TFEC: variants seen among roughly 807,000 people sequenced by gnomAD.
TFEC encodes the protein class E basic helix-loop-helix protein 34.
Under a neutral mutation model 41.6 loss-of-function variants are expected in TFEC, and 31 were observed. The observed-to-expected ratio is 0.74, with a 90% CI of 0.56 to 1.01. The LOEUF (loss-of-function observed/expected upper bound fraction) is 1.01, where lower values mean the gene tolerates loss of function less well. TFEC is among the 50% of genes least tolerant of loss of function. The pLI is 0.00. For missense variants in TFEC, 402 were observed against 404.1 expected (o/e 0.99, Z 0.04); for synonymous variants, 143 against 140.6 (o/e 1.02, Z -0.12).
intron 1 of TFEC, among the ~76,000 whole-genome samples, chr7:116,012,471 G>A (rs1286653479): frequency 6.6e-6 from 1 of 151,992 alleles, no homozygotes; most frequent in Non-Finnish European, 1.5e-5. Flanking sequence ...GAGAATAAAG[G>A]AGAAACAAGA....
chr7:116,024,857 A>G (rs1197218404), intron 1 of TFEC, among the ~76,000 whole-genome samples: 4 of 148,090 alleles, frequency 2.7e-5, no homozygotes, highest in African/African-American at 5.1e-5. Context: ...TATTTTATAC[A>G]TTTTTTCCAT....
rs369348912 is a variant in TFEC at position 116,043,049 on chromosome 7, T to G, written c.199-58536A>C. 3.9e-5 allele frequency among the ~76,000 whole-genome samples: 6 copies of G among 152,228 alleles called. 1 individual carries two copies. Among genetic ancestry groups the G allele is most frequent in the African/African-American group, 1.2e-4 (5 of 41,558 alleles). On this transcript the variant is annotated intron_variant, in intron 3 of 8. Coordinates refer to the TFEC transcript ENST00000484212. ...CTTCTCATGTTTATGCAAAACAGGT[T>G]TTTTGGGAGTAGAAAGAGAGGTACT... is the stretch of plus-strand genomic sequence containing the variant.
At chr7:115,954,067 T>C (rs760067382) in intron 5 of TFEC, among the ~76,000 whole-genome samples, 30 of 152,024 alleles carry the variant, frequency 2.0e-4, no homozygotes, top group Admixed American at 3.9e-4. Context: ...CTCCATCTCA[T>C]ATGACCTGTT....
intron 1 of TFEC, among the ~76,000 whole-genome samples, chr7:116,144,447 C>T (rs1215197848): frequency 1.3e-5 from 2 of 152,068 alleles, no homozygotes; most frequent in African/African-American, 4.8e-5. Context: ...GCTACAATGC[C>T]CAGTTTGTTT....
intron 1 of TFEC, among the ~76,000 whole-genome samples, chr7:116,143,641 T>C (rs773386508): frequency 1.8e-4 from 27 of 152,306 alleles, no homozygotes; most frequent in Non-Finnish European, 2.6e-4. Flanking sequence ...GCTGTGTATA[T>C]GATTGATGCT....
intron 1 of TFEC, among the ~76,000 whole-genome samples, chr7:116,144,795 C>T (rs1277064561): frequency 2.0e-5 from 3 of 152,174 alleles, no homozygotes; most frequent in African/African-American, 7.2e-5. Flanking sequence ...AAGATTGCAG[C>T]ATAGAATTCC....
chr7:116,008,291 G>A (rs763119530), intron 1 of TFEC, among the ~76,000 whole-genome samples: 1 of 152,020 alleles, frequency 6.6e-6, no homozygotes, highest in Non-Finnish European at 1.5e-5. Context: ...AATATTTACA[G>A]GCAGAATTAG....
chr7:115,937,525 A>AT lies in TFEC; in HGVS notation c.*3025dup, dbSNP rs1793288234. On this transcript the variant is annotated 3_prime_UTR_variant, in exon 8 of 8. Transcript: ENST00000265440. ...TTCAAAATGTTATGGTCAGATGTTTATAACACTCAGTAATTATAGTGAAAC... is the reference window on the plus strand; with the variant it reads ...TTCAAAATGTTATGGTCAGATGTTTATTAACACTCAGTAATTATAGTGAAAC... 6.6e-6 allele frequency: 1 copy of AT among 151,802 alleles called. No individual in the cohort carries two copies. The highest frequency in any genetic ancestry group is 6.6e-5 in the Admixed American group (1 of 15,202). 9.4% of individuals were successfully genotyped at this position (151,802 alleles called of 1,614,324 possible).
At chr7:116,006,428 T>C (rs551071611) in intron 1 of TFEC, among the ~76,000 whole-genome samples, 1 of 152,330 alleles carries the variant, frequency 6.6e-6, no homozygotes, top group East Asian at 1.9e-4. Context: ...GAGATCATTT[T>C]GGAAATTTAA....
intron 1 of TFEC, among the ~76,000 whole-genome samples, chr7:116,145,306 C>A (rs143883721): frequency 6.6e-6 from 1 of 152,036 alleles, no homozygotes. Context: ...CAAATCTCAC[C>A]CCCACCCCTG....
chr7:116,063,639 G>C (rs1333620378), intron 3 of TFEC, among the ~76,000 whole-genome samples: 1 of 151,906 alleles, frequency 6.6e-6, no homozygotes, highest in African/African-American at 2.4e-5. Context: ...AGAACACCCT[G>C]GGGTGATGAT....
intron 6 of TFEC, among the ~76,000 whole-genome samples, chr7:115,943,453 T>C (rs1031577720): frequency 6.6e-6 from 1 of 151,986 alleles, no homozygotes; most frequent in South Asian, 2.1e-4. Context: ...CTAGCCATAT[T>C]TGAAGTTTAA....
upstream of TFEC, among the ~76,000 whole-genome samples, chr7:116,034,471 C>T (rs1025783263): frequency 6.6e-6 from 1 of 151,646 alleles, no homozygotes; most frequent in Non-Finnish European, 1.5e-5. Context: ...CCCTCCAGCT[C>T]ACTCCTCTCT....
chr7:116,070,098 T>C (rs1388224709), intron 3 of TFEC, among the ~76,000 whole-genome samples: 1 of 151,378 alleles, frequency 6.6e-6, no homozygotes, highest in Non-Finnish European at 1.5e-5. Context: ...TATATGCATA[T>C]ACAAAGCAAT....
At chr7:116,081,545 C>T (rs962592318) in intron 3 of TFEC, among the ~76,000 whole-genome samples, 3 of 152,018 alleles carry the variant, frequency 2.0e-5, no homozygotes, top group Non-Finnish European at 4.4e-5. Context: ...TAAAAAGTTA[C>T]AGCAGCTTTC....
chr7:115,949,542 A>G (rs1484624248), intron 6 of TFEC, among the ~76,000 whole-genome samples: 4 of 152,238 alleles, frequency 2.6e-5, no homozygotes, highest in Non-Finnish European at 4.4e-5. Context: ...CAGAAATAAT[A>G]CCGCATATAT....
chr7:116,072,242 TAG>T (rs148692653), intron 3 of TFEC, among the ~76,000 whole-genome samples: 1 of 151,506 alleles, frequency 6.6e-6, no homozygotes, highest in Non-Finnish European at 1.5e-5. Flanking sequence ...TATCTACAAA[TAG>T]AGATAGTTTT....
At chr7:116,049,633 T>C (rs1248060588) in intron 3 of TFEC, among the ~76,000 whole-genome samples, 2 of 152,208 alleles carry the variant, frequency 1.3e-5, no homozygotes, top group Admixed American at 6.5e-5. Flanking sequence ...GTGGACCTAA[T>C]AGACATCTAC....
chr7:116,151,133 G>A (rs1187683317), intron 1 of TFEC, among the ~76,000 whole-genome samples: 1 of 151,826 alleles, frequency 6.6e-6, no homozygotes, highest in Non-Finnish European at 1.5e-5. Flanking sequence ...AGAAATATGT[G>A]AGAAAGTCTG....
Sources: gnomAD v4.1 joint callset for allele counts (sites outside exome capture counted in the v4.1 genomes callset) on GRCh38, gnomAD v4.1.1 for gene constraint, MANE v1.5 for transcripts, NCBI Gene and HGNC (gene_info 2026-07-23, HGNC 2026-07-21) for gene names.